The following FGF12 variants were observed in gnomAD, a reference collection of about 807,000 sequenced individuals.
FGF12 encodes fibroblast growth factor 12.
Under a neutral mutation model 23.6 loss-of-function variants are expected in FGF12, and 14 were observed. The observed-to-expected ratio is 0.59, with a 90% CI of 0.39 to 0.93. FGF12 has a LOEUF of 0.93. Among genes scored for constraint, FGF12 ranks in the 40% least tolerant of loss-of-function variants. FGF12 has a pLI of 0.00. For missense variants in FGF12, 175 were observed against 217.8 expected (o/e 0.80, Z 1.24); for synonymous variants, 62 against 77.3 (o/e 0.80, Z 1.04).
intron 4 of FGF12, among the ~76,000 whole-genome samples, chr3:192,271,681 G>A (rs1052558813): frequency 1.3e-5 from 2 of 152,004 alleles, no homozygotes; most frequent in African/African-American, 4.8e-5. Context: ...TGTTTGGGGG[G>A]AAGTCTTTCC....
At chr3:192,307,541 C>G (rs1164749044) in intron 4 of FGF12, among the ~76,000 whole-genome samples, 3 of 152,160 alleles carry the variant, frequency 2.0e-5, no homozygotes, top group African/African-American at 7.2e-5. Context: ...AGAGACAGAA[C>G]TGGCATATTT....
chr3:192,298,139 T>C (rs1715145927), intron 4 of FGF12, among the ~76,000 whole-genome samples: 1 of 152,228 alleles, frequency 6.6e-6, no homozygotes, highest in South Asian at 2.1e-4. Flanking sequence ...TCTCTCAGCT[T>C]CATTAACTCA....
At position 192,162,903 on chromosome 3, in the gene FGF12, A is replaced by AT. The variant is rs751893278; in HGVS notation, c.427+7554dup. Among the ~76,000 whole-genome samples the AT allele has an allele frequency of 5.9e-5, 9 of 152,098 alleles. No homozygotes were observed. The East Asian group carries it at 1.2e-3, about 20-fold the overall frequency. ...CTCATGCAATGCCACATCTCACAGC[A>AT]TTTTTCCAATACAAAACACAGTAAG... On this transcript the variant is annotated intron_variant, in intron 5 of 5. Coordinates refer to ENST00000445105, the MANE Select transcript of FGF12 (RefSeq NM_004113.6).
intron 2 of FGF12, among the ~76,000 whole-genome samples, chr3:192,543,701 G>C (rs894022969): frequency 3.9e-5 from 6 of 152,102 alleles, no homozygotes; most frequent in Non-Finnish European, 7.4e-5. Flanking sequence ...AAAGTTCAAG[G>C]CCCAAGGGCT....
chr3:192,693,934 C>A (rs1373821980), intron 2 of FGF12, among the ~76,000 whole-genome samples: 5 of 151,890 alleles, frequency 3.3e-5, no homozygotes, highest in African/African-American at 1.2e-4. Context: ...AATTTCTGCC[C>A]AGCAAAGAAA....
chr3:192,427,962 A>G (rs1300230477), intron 2 of FGF12, among the ~76,000 whole-genome samples: 1 of 152,198 alleles, frequency 6.6e-6, no homozygotes, highest in Non-Finnish European at 1.5e-5. Context: ...GCACTCACAT[A>G]ACCTGCCACT....
intron 2 of FGF12, among the ~76,000 whole-genome samples, chr3:192,454,537 A>C (rs1722622305): frequency 6.6e-6 from 1 of 152,214 alleles, no homozygotes; most frequent in African/African-American, 2.4e-5. Context: ...AAGGAGAAAA[A>C]AAAATTCAGG....
intron 2 of FGF12, among the ~76,000 whole-genome samples, chr3:192,591,027 C>A (rs538532879): frequency 6.6e-6 from 1 of 151,662 alleles, no homozygotes; most frequent in South Asian, 2.1e-4. Context: ...GCCTTGCCTT[C>A]CTCAGTCCAA....
chr3:192,503,604 T>TGTGTGTG (rs1491271285), intron 2 of FGF12, among the ~76,000 whole-genome samples: 1 of 15,740 alleles, frequency 6.4e-5, no homozygotes, highest in African/African-American at 2.6e-4. Flanking sequence ...TGTGTGTGTG[T>TGTGTGTG]TTTTTTTTTT....
intron 2 of FGF12, among the ~76,000 whole-genome samples, chr3:192,685,286 C>G (rs970245556): frequency 6.6e-6 from 1 of 152,128 alleles, no homozygotes; most frequent in Admixed American, 6.6e-5. Flanking sequence ...CTCTTGACCT[C>G]GTGATCCGCC....
intron 3 of FGF12, among the ~76,000 whole-genome samples, chr3:192,345,824 C>T (rs531100888): frequency 6.6e-6 from 1 of 152,218 alleles, no homozygotes; most frequent in African/African-American, 2.4e-5. Flanking sequence ...GTAGAACCAT[C>T]CTGCTCAAAA....
At chr3:192,154,559 T>G (rs1577179533) in intron 5 of FGF12, among the ~76,000 whole-genome samples, 2 of 151,430 alleles carry the variant, frequency 1.3e-5, no homozygotes, top group Non-Finnish European at 2.9e-5. Flanking sequence ...GCAGGTCTGT[T>G]GGAGTACCCT....
intron 2 of FGF12, among the ~76,000 whole-genome samples, chr3:192,709,194 C>T (rs1718586003): frequency 6.6e-6 from 1 of 152,180 alleles, no homozygotes; most frequent in African/African-American, 2.4e-5. Context: ...AATTTGCTGG[C>T]TGATTTGAAG....
chr3:192,342,471 G>T (rs1335291249), intron 3 of FGF12, among the ~76,000 whole-genome samples: 1 of 151,984 alleles, frequency 6.6e-6, no homozygotes, highest in Non-Finnish European at 1.5e-5. Context: ...TTACAATTGA[G>T]ATATTAAACA....
At chr3:192,674,949 T>G (rs1430990459) in intron 2 of FGF12, among the ~76,000 whole-genome samples, 2 of 152,228 alleles carry the variant, frequency 1.3e-5, no homozygotes, top group African/African-American at 4.8e-5. Flanking sequence ...TTTCCTAAGC[T>G]TTGCAGCCTT....
intron 2 of FGF12, among the ~76,000 whole-genome samples, chr3:192,476,354 A>T (rs979399125): frequency 6.6e-6 from 1 of 152,194 alleles, no homozygotes; most frequent in Admixed American, 6.5e-5. Flanking sequence ...TCTAACAAAA[A>T]AGTGGCAGAA....
At chr3:192,258,978 ATTAC>A (rs1164769893) in intron 4 of FGF12, among the ~76,000 whole-genome samples, 1 of 152,142 alleles carries the variant, frequency 6.6e-6, no homozygotes, top group Non-Finnish European at 1.5e-5. Context: ...CAGCATCACT[ATTAC>A]TTACGTAACT....
chr3:192,307,895 C>T (rs1400528014), intron 4 of FGF12, among the ~76,000 whole-genome samples: 2 of 152,140 alleles, frequency 1.3e-5, no homozygotes, highest in African/African-American at 4.8e-5. Context: ...GGCTGTACAA[C>T]TCCATTTTAC....
intron 2 of FGF12, among the ~76,000 whole-genome samples, chr3:192,379,442 GC>G (rs1232142468): frequency 2.9e-5 from 3 of 104,680 alleles, no homozygotes; most frequent in African/African-American, 1.1e-4. Context: ...AAAAAAAAAA[GC>G]CTATCTTTTT....
Sources: gnomAD v4.1 joint callset for allele counts (sites outside exome capture counted in the v4.1 genomes callset) on GRCh38, gnomAD v4.1.1 for gene constraint, MANE v1.5 for transcripts, NCBI Gene and HGNC (gene_info 2026-07-23, HGNC 2026-07-21) for gene names.